Variants in PPEF1 observed in about 807,000 individuals in gnomAD.
The protein encoded by PPEF1 is protein phosphatase with EF-hand domain 1.
Under a neutral mutation model 53.3 loss-of-function variants are expected in PPEF1, and 12 were observed. The ratio of observed to expected loss-of-function variants is 0.23; its 90% CI spans 0.14 to 0.36. PPEF1 has a LOEUF of 0.36. Among genes scored for constraint, PPEF1 ranks in the 10% least tolerant of loss-of-function variants. The pLI, the probability that PPEF1 is intolerant of heterozygous loss-of-function variation, is 1.00. For missense variants in PPEF1, 334 were observed against 490.4 expected (o/e 0.68, Z 3.01); for synonymous variants, 165 against 176.7 (o/e 0.93, Z 0.52).
At chrX:18,777,668 T>A (rs1404442541) in intron 6 of PPEF1, among the ~76,000 whole-genome samples, 2 of 109,497 alleles carry the variant, frequency 1.8e-5, no homozygotes, top group African/African-American at 6.7e-5. Flanking sequence ...TGCAGGCGCC[T>A]GCCATCACGC....
At chrX:18,720,908 C>T (rs186845657) in intron 1 of PPEF1, among the ~76,000 whole-genome samples, 5 of 111,027 alleles carry the variant, frequency 4.5e-5, no homozygotes, top group Admixed American at 1.9e-4. Context: ...TTTACTGGCC[C>T]CCATGGTCAC....
At chrX:18,811,705 T>C (rs1177791204) in intron 12 of PPEF1, among the ~76,000 whole-genome samples, 5 of 105,147 alleles carry the variant, frequency 4.8e-5, no homozygotes, top group Non-Finnish European at 9.7e-5. Context: ...CCTGCGGGGC[T>C]CAATTGATCC....
chrX:18,691,877 T>A (rs143883958), intron 4 of PPEF1, among the ~76,000 whole-genome samples: 1 of 112,131 alleles, frequency 8.9e-6, no homozygotes, highest in Non-Finnish European at 1.9e-5. Flanking sequence ...CAGGTTTAGA[T>A]GGACTATACG....
upstream of PPEF1, among the ~76,000 whole-genome samples, chrX:18,705,878 C>A (rs921016077): frequency 6.3e-5 from 7 of 111,637 alleles, no homozygotes; most frequent in South Asian, 3.7e-4. Flanking sequence ...TTTTAGTTTT[C>A]CCTTTCTTCA....
At chrX:18,716,303 C>T (rs143972539) in intron 1 of PPEF1, among the ~76,000 whole-genome samples, 2,295 of 110,506 alleles carry the variant, frequency 0.021, 66 homozygotes, top group African/African-American at 0.072. Context: ...GAGGCCGAGG[C>T]GGGTGAATCA....
At chrX:18,725,453 C>T (rs374611043) in intron 1 of PPEF1, among the ~76,000 whole-genome samples, 38 of 111,539 alleles carry the variant, frequency 3.4e-4, no homozygotes, top group African/African-American at 1.0e-3. Context: ...AAACTGGATC[C>T]GACGACTGTT....
chrX:18,800,766 C>T (rs953265307), intron 10 of PPEF1, among the ~76,000 whole-genome samples: 7 of 111,454 alleles, frequency 6.3e-5, no homozygotes, highest in Non-Finnish European at 1.1e-4. Context: ...CCATTTTATA[C>T]GAGGGACTTG....
chrX:18,824,452 G>C (rs2047126622), intron 14 of PPEF1, among the ~76,000 whole-genome samples: 1 of 110,609 alleles, frequency 9.0e-6, no homozygotes, highest in Non-Finnish European at 1.9e-5. Flanking sequence ...AAAAAGAGAA[G>C]CTGGGAGTGG....
At chrX:18,751,246 G>A (rs1358026578) in intron 4 of PPEF1, among the ~76,000 whole-genome samples, 2 of 111,632 alleles carry the variant, frequency 1.8e-5, no homozygotes, top group Non-Finnish European at 3.8e-5. Context: ...TGTGCTTTTG[G>A]TGTCATATCT....
At chrX:18,706,015 C>A (rs942261476), upstream of PPEF1, among the ~76,000 whole-genome samples, 29 of 105,810 alleles carry the variant, frequency 2.7e-4, no homozygotes, top group Admixed American at 7.4e-4. Context: ...CACCTGTGAT[C>A]CCAGCACTTT....
At chrX:18,729,353 T>C (rs1002383044) in intron 1 of PPEF1, among the ~76,000 whole-genome samples, 3 of 112,229 alleles carry the variant, frequency 2.7e-5, no homozygotes, top group African/African-American at 9.7e-5. Context: ...CTTCTCTTCA[T>C]GTACCCCACG....
At chrX:18,821,612 A>T (rs2047048294) in intron 13 of PPEF1, among the ~76,000 whole-genome samples, 1 of 110,414 alleles carries the variant, frequency 9.1e-6, no homozygotes, top group Non-Finnish European at 1.9e-5. Context: ...AGGTTTCATC[A>T]TGTTAGCCAG....
intron 12 of PPEF1, among the ~76,000 whole-genome samples, chrX:18,815,883 A>G (rs1456112265): frequency 1.9e-5 from 2 of 104,342 alleles, no homozygotes; most frequent in African/African-American, 7.0e-5. Context: ...CTTTTTTCCA[A>G]TTTTTTATTT....
chrX:18,765,642 G>T (rs1381526979), intron 6 of PPEF1, among the ~76,000 whole-genome samples: 1 of 111,239 alleles, frequency 9.0e-6, no homozygotes, highest in African/African-American at 3.3e-5. Flanking sequence ...TAAAGCAATG[G>T]GGAAAATAGC....
At chrX:18,782,520 C>A in intron 8 of PPEF1, 118 bp downstream of exon 8, 1 of 506,367 alleles carries the variant, frequency 2.0e-6, no homozygotes, top group Non-Finnish European at 3.2e-6. Context: ...GCCAACTAGT[C>A]AGAATGCATG....
intron 3 of PPEF1, among the ~76,000 whole-genome samples, chrX:18,739,255 TC>T (rs2045080779): frequency 8.9e-6 from 1 of 112,443 alleles, no homozygotes; most frequent in Non-Finnish European, 1.9e-5. Flanking sequence ...TTTCTCCGCA[TC>T]TTTGTGGTTT....
Position 18,771,648 on chromosome X carries a change from TA to T in PPEF1, c.559-7361del, listed in dbSNP as rs747011619. Among the ~76,000 whole-genome samples the T allele has an allele frequency of 4.5e-5, 5 of 111,451 alleles. No homozygotes were observed. In the East Asian group the frequency reaches 1.4e-3, roughly 31 times the overall value. On this transcript the variant is annotated intron_variant, in intron 6 of 15. Transcript: ENST00000470157. ...GTTGAGCCTTGAGCAATGCTGGGGT[TA>T]GGGGTACCAATTCCCCATACAGTTG...
At chrX:18,780,190 A>G (rs1321139093) in intron 7 of PPEF1, among the ~76,000 whole-genome samples, 2 of 112,095 alleles carry the variant, frequency 1.8e-5, no homozygotes, top group Non-Finnish European at 3.8e-5. Context: ...ATGCGTGTTG[A>G]GCAGGTTTTT....
At chrX:18,679,330 G>A (rs949068473), upstream of PPEF1, among the ~76,000 whole-genome samples, 6 of 111,819 alleles carry the variant, frequency 5.4e-5, no homozygotes, top group Admixed American at 2.9e-4. Context: ...CACCCACCTC[G>A]GTCTCTCAAA....
Sources: allele counts gnomAD v4.1 joint callset (sites outside exome capture counted in the v4.1 genomes callset), GRCh38; gene constraint gnomAD v4.1.1; transcripts MANE v1.5; gene names NCBI Gene and HGNC (gene_info 2026-07-23, HGNC 2026-07-21).